SHB: variants seen among roughly 807,000 people sequenced by gnomAD.
SHB encodes the protein SH2 domain-containing adapter protein B.
SHB carries 20 observed loss-of-function variants against 52.3 expected under a neutral mutation model. The observed-to-expected ratio is 0.38, with a 90% CI of 0.27 to 0.56. The LOEUF is 0.56. SHB is among the 20% of genes least tolerant of loss of function. The probability of loss-of-function intolerance (pLI) is 0.71; values close to 1 mark genes in which losing one functional copy is unlikely to be tolerated. For missense variants in SHB, 825 were observed against 723.3 expected, an observed-to-expected ratio of 1.14 and a Z score of -1.61; for synonymous variants, 397 against 316.5, an observed-to-expected ratio of 1.25 and a Z score of -2.70.
intron 1 of SHB, among the ~76,000 whole-genome samples, chr9:38,023,520 G>A (rs1821306283): frequency 6.6e-6 from 1 of 152,200 alleles, no homozygotes; most frequent in African/African-American, 2.4e-5. Flanking sequence ...TGAAAATCTG[G>A]TAGGGAAGAC....
intron 3 of SHB, among the ~76,000 whole-genome samples, chr9:37,972,848 G>A (rs1372669507): frequency 1.3e-5 from 2 of 152,200 alleles, no homozygotes; most frequent in Non-Finnish European, 2.9e-5. Context: ...ACTGTTCGGG[G>A]TTAGAAAGGT....
At chr9:38,061,205 G>T (rs766164977) in intron 1 of SHB, among the ~76,000 whole-genome samples, 1 of 151,788 alleles carries the variant, frequency 6.6e-6, no homozygotes, top group African/African-American at 2.4e-5. Flanking sequence ...CCAGCTACTT[G>T]AGAGGCTGAG....
intron 5 of SHB, among the ~76,000 whole-genome samples, chr9:37,926,813 C>G (rs1832256078): frequency 6.6e-6 from 1 of 152,232 alleles, no homozygotes; most frequent in Admixed American, 6.5e-5. Context: ...CTTACAGACA[C>G]TGCCCCAACA....
At chr9:38,062,003 G>A (rs1437123472) in intron 1 of SHB, among the ~76,000 whole-genome samples, 27 of 152,180 alleles carry the variant, frequency 1.8e-4, no homozygotes. Context: ...GGGAGACAGA[G>A]AAACAGAAAA....
chr9:37,949,406 A>AG (rs1490248826), intron 4 of SHB, among the ~76,000 whole-genome samples: 1 of 151,798 alleles, frequency 6.6e-6, no homozygotes, highest in East Asian at 1.9e-4. Context: ...AAAAAAAAAA[A>AG]AAAAGAAAAA....
chr9:38,024,818 G>A (rs1454507017), intron 1 of SHB, among the ~76,000 whole-genome samples: 1 of 152,186 alleles, frequency 6.6e-6, no homozygotes, highest in Non-Finnish European at 1.5e-5. Flanking sequence ...AACACCCGGG[G>A]AGGGGTCTGC....
intron 1 of SHB, among the ~76,000 whole-genome samples, chr9:38,067,201 G>A (rs867930410): frequency 1.8e-4 from 27 of 152,308 alleles, no homozygotes; most frequent in Middle Eastern, 6.8e-3. Context: ...CAGGAAGGAA[G>A]CAGGTGAGGA....
rs1832111114 is a variant in SHB, at chr9:37,917,182, T to TA, written c.*2638dup. ...GGCTGACACAGGAAACGGTCACAAT[T>TA]AGAGGAAGAAGAGGGAGAGGTTCAT... is the stretch of plus-strand genomic sequence containing the variant. On this transcript the variant is annotated 3_prime_UTR_variant, in exon 6 of 6. Coordinates refer to ENST00000377707, the MANE Select transcript of SHB (RefSeq NM_003028.3). Among the ~76,000 whole-genome samples the TA allele has an allele frequency of 6.6e-6, 1 of 152,134 alleles. No homozygotes were observed. Among genetic ancestry groups the TA allele is most frequent in the Non-Finnish European group, 1.5e-5 (1 of 68,026 alleles).
chr9:37,994,408 G>T (rs1820923000), intron 2 of SHB, among the ~76,000 whole-genome samples: 1 of 152,176 alleles, frequency 6.6e-6, no homozygotes, highest in African/African-American at 2.4e-5. Context: ...TCAAATGACT[G>T]ATTACTTCCC....
chr9:37,942,819 C>T (rs1008802373), intron 5 of SHB, among the ~76,000 whole-genome samples: 12 of 152,068 alleles, frequency 7.9e-5, no homozygotes, highest in African/African-American at 2.9e-4. Flanking sequence ...GTGCTGTTCG[C>T]CTTCTGGACT....
At chr9:38,029,759 G>A (rs140038121) in intron 1 of SHB, among the ~76,000 whole-genome samples, 237 of 152,294 alleles carry the variant, frequency 1.6e-3, no homozygotes, top group African/African-American at 5.3e-3. Context: ...CAAAAGTGCT[G>A]GGATTACAGG....
Position 37,974,654 on chromosome 9 carries a change from T to G in SHB, c.1022A>C (p.Glu341Ala). The change falls in exon 3 of 6, where the codon GAG becomes GCG. Residue 341 changes from glutamate (E) to alanine (A), a missense_variant. By Grantham distance (107) the Glu-to-Ala change is moderately radical (BLOSUM62 -1). Coordinates refer to ENST00000377707, the MANE Select transcript of SHB (RefSeq NM_003028.3). ...RPADEYDQPW[E>A]WNRVTIPALA... Reference sequence around the variant, plus strand: ...GGCTGGGATGGTGACCCGGTTCCACTCCCAAGGCTGGTCGTACTCATCGGC... The same window carrying G: ...GGCTGGGATGGTGACCCGGTTCCACGCCCAAGGCTGGTCGTACTCATCGGC... 1 of 1,613,484 alleles carries G rather than the reference T, an allele frequency of 6.2e-7. No homozygotes were observed. The highest frequency in any genetic ancestry group is 8.5e-7 in the Non-Finnish European group (1 of 1,179,886).
intron 3 of SHB, among the ~76,000 whole-genome samples, chr9:37,958,600 T>C (rs527477155): frequency 4.7e-4 from 71 of 152,298 alleles, no homozygotes; most frequent in South Asian, 3.3e-3. Flanking sequence ...TGTGTCCAAC[T>C]ACACACAGAC....
intron 2 of SHB, among the ~76,000 whole-genome samples, chr9:37,981,300 G>A (rs1820721467): frequency 1.3e-5 from 2 of 152,340 alleles, no homozygotes; most frequent in Non-Finnish European, 2.9e-5. Flanking sequence ...ATCAGCACTT[G>A]CTGCTTCACC....
At chr9:37,922,088 G>A (rs1216562139) in intron 5 of SHB, among the ~76,000 whole-genome samples, 3 of 152,220 alleles carry the variant, frequency 2.0e-5, no homozygotes, top group Admixed American at 6.5e-5. Flanking sequence ...CGTTTTTGGG[G>A]TGCTGGACCA....
chr9:38,049,374 T>G (rs1417027302), intron 1 of SHB, among the ~76,000 whole-genome samples: 1 of 152,082 alleles, frequency 6.6e-6, no homozygotes, highest in East Asian at 1.9e-4. Context: ...TTTGGGAGGC[T>G]GAGGTGGGCA....
At chr9:38,057,157 G>A (rs1371080562) in intron 1 of SHB, among the ~76,000 whole-genome samples, 2 of 152,156 alleles carry the variant, frequency 1.3e-5, no homozygotes, top group African/African-American at 4.8e-5. Context: ...TTAAATTGGT[G>A]AAAACGAGGA....
At position 37,918,933 on chromosome 9, in the gene SHB, A is replaced by C. The variant is rs745722907; in HGVS notation, c.*888T>G. ...TGGGTTGACTCCCAGAGTGCTACCGACTGCCTCAGCCCAGTTGTCAGAGCA... is the reference window on the plus strand; with the variant it reads ...TGGGTTGACTCCCAGAGTGCTACCGCCTGCCTCAGCCCAGTTGTCAGAGCA... On this transcript the variant is annotated 3_prime_UTR_variant, in exon 6 of 6. Coordinates refer to ENST00000377707, the MANE Select transcript of SHB (RefSeq NM_003028.3). Among the ~76,000 whole-genome samples the C allele has an allele frequency of 1.3e-5, 2 of 152,088 alleles. No homozygotes were observed. The highest frequency in any genetic ancestry group is 2.9e-5 in the Non-Finnish European group (2 of 68,006).
chr9:38,041,135 C>T (rs1445505201), intron 1 of SHB, among the ~76,000 whole-genome samples: 1 of 152,178 alleles, frequency 6.6e-6, no homozygotes, highest in Non-Finnish European at 1.5e-5. Context: ...TGGCCACCAC[C>T]AAGTCCTTTT....
Sources: allele counts gnomAD v4.1 joint callset (sites outside exome capture counted in the v4.1 genomes callset), GRCh38; gene constraint gnomAD v4.1.1; transcripts MANE v1.5; gene names NCBI Gene and HGNC (gene_info 2026-07-23, HGNC 2026-07-21).